Variants in MKRN2 observed in about 807,000 individuals in gnomAD.
The protein encoded by MKRN2 is makorin ring finger protein 2, also known as E3 ubiquitin-protein ligase makorin-2.
Under a neutral mutation model 45.4 loss-of-function variants are expected in MKRN2, and 32 were observed. That is an observed-to-expected ratio of 0.70 (90% CI 0.53 to 0.95). MKRN2 has a LOEUF of 0.95. Among genes scored for constraint, MKRN2 ranks in the 40% least tolerant of loss-of-function variants. MKRN2 has a pLI of 0.00. For missense variants in MKRN2, 526 were observed against 536.7 expected (o/e 0.98, Z 0.20); for synonymous variants, 206 against 192.4 (o/e 1.07, Z -0.59).
At chr3:12,569,358 C>T (rs546398009) in intron 2 of MKRN2, among the ~76,000 whole-genome samples, 35 of 148,908 alleles carry the variant, frequency 2.4e-4, no homozygotes, top group African/African-American at 8.2e-4. Context: ...GATGGGGTTT[C>T]ACCATGTTGG....
Position 12,572,383 on chromosome 3 carries a change from C to T in MKRN2, c.642+10C>T. ...GAAGGCTCATGAAAAGGTAAAGTCA[C>T]AAACCTTTGCATGAACTCATGTTAA... On this transcript the variant is annotated intron_variant, in intron 4 of 7. Transcript: ENST00000170447. The T allele has an allele frequency of 6.5e-7, 1 of 1,544,276 alleles. No homozygotes were observed. Among genetic ancestry groups the T allele is most frequent in the Non-Finnish European group, 8.8e-7 (1 of 1,142,310 alleles).
chr3:12,569,836 C>T (rs912458115), intron 2 of MKRN2, among the ~76,000 whole-genome samples: 7 of 152,172 alleles, frequency 4.6e-5, no homozygotes, highest in African/African-American at 1.7e-4. Flanking sequence ...CTGTCCCACT[C>T]AAGTCCCACA....
intron 5 of MKRN2, 55 bp from the exon 6 acceptor site, chr3:12,576,576 T>A (rs1469492057): frequency 7.8e-7 from 1 of 1,278,636 alleles, no homozygotes; most frequent in Non-Finnish European, 1.1e-6. Context: ...TAGCAGAGAG[T>A]GTGCCCAGGC....
chr3:12,568,781 C>G, intron 1 of MKRN2, 94 bp from the exon 2 acceptor site: 1 of 1,495,760 alleles, frequency 6.7e-7, no homozygotes, highest in Non-Finnish European at 9.1e-7. Context: ...TAATATATGC[C>G]TGGTAAATGT....
intron 1 of MKRN2, among the ~76,000 whole-genome samples, chr3:12,565,621 T>G (rs2058065090): frequency 7.1e-6 from 1 of 141,460 alleles, no homozygotes; most frequent in East Asian, 2.3e-4. Flanking sequence ...TTGCAACCAC[T>G]GCCTCCTGGG....
At chr3:12,557,738 A>G (rs1488752824) in intron 1 of MKRN2, among the ~76,000 whole-genome samples, 2 of 152,250 alleles carry the variant, frequency 1.3e-5, no homozygotes, top group Non-Finnish European at 1.5e-5. Flanking sequence ...CAAGTCCTTT[A>G]TATTCATTAT....
intron 1 of MKRN2, among the ~76,000 whole-genome samples, chr3:12,561,903 G>A (rs2058039055): frequency 6.6e-6 from 1 of 151,934 alleles, no homozygotes; most frequent in Non-Finnish European, 1.5e-5. Context: ...TTTTGTGTTT[G>A]GGATCTCCAA....
chr3:12,576,615 C>T lies in MKRN2; in HGVS notation c.858-16C>T. 6.4e-7 allele frequency: 1 copy of T among 1,556,386 alleles called. No individual in the cohort carries two copies. The highest frequency in any genetic ancestry group is 8.9e-7 in the Non-Finnish European group (1 of 1,128,856). Reference sequence around the variant, plus strand: ...GTAACATGACTTCTCCCTTAGTAATCTAATTCTTATTTCAGGTCTTGTCCA... The same window carrying T: ...GTAACATGACTTCTCCCTTAGTAATTTAATTCTTATTTCAGGTCTTGTCCA... On this transcript the variant is annotated splice_polypyrimidine_tract_variant and intron_variant, in intron 5 of 7. Coordinates refer to ENST00000170447, the MANE Select transcript of MKRN2 (RefSeq NM_014160.5).
In MKRN2 at chr3:12,583,616, A is replaced by T. The variant is rs564572418; in HGVS notation, c.*1363A>T. On this transcript the variant is annotated 3_prime_UTR_variant, in exon 8 of 8. Coordinates refer to ENST00000170447, the MANE Select transcript of MKRN2 (RefSeq NM_014160.5). ...CAGCCAGCCATTACACCTAAATTTA[A>T]TTTATTTTATTAAAATAACATAATT... 4.3e-5 allele frequency: 10 copies of T among 231,794 alleles called. No homozygotes were observed. Among genetic ancestry groups the T allele is most frequent in the Non-Finnish European group, 7.7e-5 (9 of 117,242 alleles). The allele number at this position is 231,794 out of a possible 1,614,324, so 14.4% of individuals were successfully genotyped here.
chr3:12,580,275 AG>A (rs2058168409), intron 6 of MKRN2, among the ~76,000 whole-genome samples: 1 of 152,134 alleles, frequency 6.6e-6, no homozygotes, highest in Non-Finnish European at 1.5e-5. Context: ...GATGCTCTGG[AG>A]TTGTCCAGCA....
intron 1 of MKRN2, among the ~76,000 whole-genome samples, chr3:12,566,803 A>T (rs1000649833): frequency 2.0e-4 from 31 of 152,136 alleles, no homozygotes. Flanking sequence ...GTGTTTCACC[A>T]TGTTGACCAG....
Position 12,582,315 on chromosome 3 carries a change from T to TGC in MKRN2, c.*64_*65dup, listed in dbSNP as rs2058188717. The TGC allele has an allele frequency of 6.2e-7, 1 of 1,603,308 alleles. No homozygotes were observed. Among genetic ancestry groups the TGC allele is most frequent in the South Asian group, 1.1e-5 (1 of 90,560 alleles). On this transcript the variant is annotated 3_prime_UTR_variant, in exon 8 of 8. Transcript: ENST00000170447. ...GCCGAAACTTTCCCAAGCCAGGGTGTGCGGAGCTTCCCTGTACTGCAGCCA... is the reference window on the plus strand; with the variant it reads ...GCCGAAACTTTCCCAAGCCAGGGTGTGCGCGGAGCTTCCCTGTACTGCAGCCA...
chr3:12,558,171 T>C (rs1170909095), intron 1 of MKRN2, among the ~76,000 whole-genome samples: 1 of 152,256 alleles, frequency 6.6e-6, no homozygotes, highest in African/African-American at 2.4e-5. Context: ...TTGGTATGAA[T>C]AGTTGAGACG....
intron 3 of MKRN2, among the ~76,000 whole-genome samples, chr3:12,571,203 C>T (rs1268801717): frequency 2.0e-5 from 3 of 151,856 alleles, no homozygotes; most frequent in Non-Finnish European, 4.4e-5. Context: ...CTCCACCTCC[C>T]GGGTTCAAGG....
chr3:12,557,300 C>G, intron 1 of MKRN2, 124 bp downstream of exon 1: 2 of 1,288,368 alleles, frequency 1.6e-6, no homozygotes, highest in Non-Finnish European at 1.0e-6. Flanking sequence ...CTCGGCTGTT[C>G]GCGGCGGGGC....
Position 12,582,317 on chromosome 3 carries a change from C to T in MKRN2, c.*64C>T, listed in dbSNP as rs1433789755. 22 of 1,598,774 alleles carry T rather than the reference C, an allele frequency of 1.4e-5. 1 individual carries two copies. Among genetic ancestry groups the T allele is most frequent in the South Asian group, 5.5e-5 (5 of 90,216 alleles). ...CGAAACTTTCCCAAGCCAGGGTGTG[C>T]GGAGCTTCCCTGTACTGCAGCCAAG... On this transcript the variant is annotated 3_prime_UTR_variant, in exon 8 of 8. Coordinates refer to ENST00000170447, the MANE Select transcript of MKRN2 (RefSeq NM_014160.5).
At chr3:12,564,106 C>T (rs142511642) in intron 1 of MKRN2, among the ~76,000 whole-genome samples, 2,185 of 151,934 alleles carry the variant, frequency 0.014, 46 homozygotes, top group African/African-American at 0.049. Context: ...CCACCACGCC[C>T]GGCTAATTTT....
chr3:12,568,932 G>A lies in MKRN2; in HGVS notation c.84G>A (p.Leu28=). 6.2e-7 allele frequency: 1 copy of A among 1,614,112 alleles called. No individual in the cohort carries two copies. The highest frequency in any genetic ancestry group is 1.1e-5 in the South Asian group (1 of 91,074). ...GTCAGTGCCTATTCTCACATGACTT[G>A]GCAAACAGCAAACCGTCCACCATCT... ...EGSQCLFSHD[L]ANSKPSTICK... The change falls in exon 2 of 8, where the codon TTG becomes TTA. Residue 28 remains leucine (L), a synonymous_variant. Coordinates refer to ENST00000170447, the MANE Select transcript of MKRN2 (RefSeq NM_014160.5).
chr3:12,581,833 C>G lies in MKRN2; in HGVS notation c.994C>G (p.Gln332Glu). 1 of 1,614,112 alleles carries G rather than the reference C, an allele frequency of 6.2e-7. No homozygotes were observed. The highest frequency in any genetic ancestry group is 8.5e-7 in the Non-Finnish European group (1 of 1,180,026). The stretch of plus-strand genomic sequence containing the variant: ...GAAAAAAGCCTGTAAATACTTTGAG[C>G]AAGGCAAGGGGACCTGCCCATTTGG... ...MGKKACKYFE[Q>E]GKGTCPFGSK... The change falls in exon 7 of 8, where the codon CAA (glutamine) becomes GAA (glutamate). Residue 332 changes from glutamine (Q) to glutamate (E), a missense_variant. Gln to Glu is a conservative substitution (Grantham distance 29). Coordinates refer to ENST00000170447, the MANE Select transcript of MKRN2 (RefSeq NM_014160.5).
Sources: allele counts gnomAD v4.1 joint callset (sites outside exome capture counted in the v4.1 genomes callset), GRCh38; gene constraint gnomAD v4.1.1; transcripts MANE v1.5; gene names NCBI Gene and HGNC (gene_info 2026-07-23, HGNC 2026-07-21).